The following DAAM1 variants were observed in gnomAD, a reference collection of about 807,000 sequenced individuals.
The protein encoded by DAAM1 is disheveled-associated activator of morphogenesis 1.
DAAM1 carries 52 observed loss-of-function variants against 130.0 expected under a neutral mutation model. That is an observed-to-expected ratio of 0.40 (90% CI 0.32 to 0.50). The LOEUF (loss-of-function observed/expected upper bound fraction) is 0.50, where lower values mean the gene tolerates loss of function less well. Among genes scored for constraint, DAAM1 ranks in the 20% least tolerant of loss-of-function variants. The pLI is 0.61. For synonymous variants in DAAM1, 452 were observed against 444.5 expected (o/e 1.02, Z -0.21); for missense variants, 1,134 against 1,303.8 (o/e 0.87, Z 2.01).
At chr14:59,355,356 C>CT in intron 20 of DAAM1, 23 bp downstream of exon 20, 1 of 1,612,762 alleles carries the variant, frequency 6.2e-7, no homozygotes, top group Admixed American at 1.7e-5. Context: ...TCTTCCAACA[C>CT]TTGGGGGAGC....
intron 15 of DAAM1, chr14:59,338,245 G>T: frequency 2.6e-6 from 2 of 780,614 alleles, no homozygotes; most frequent in South Asian, 1.7e-5. Context: ...AACTCTCATT[G>T]ATGATCCCAG....
chr14:59,289,214 C>T (rs931769079), intron 2 of DAAM1, among the ~76,000 whole-genome samples: 1 of 152,068 alleles, frequency 6.6e-6, no homozygotes, highest in Non-Finnish European at 1.5e-5. Flanking sequence ...CACACCCGGC[C>T]CAACCACACA....
intron 1 of DAAM1, among the ~76,000 whole-genome samples, chr14:59,223,659 C>T (rs192459036): frequency 6.6e-6 from 1 of 152,330 alleles, no homozygotes; most frequent in Admixed American, 6.5e-5. Flanking sequence ...CTTTGGGTCA[C>T]TCAGTAAGTG....
chr14:59,209,126 C>G (rs1304163601), intron 1 of DAAM1, among the ~76,000 whole-genome samples: 1 of 152,218 alleles, frequency 6.6e-6, no homozygotes, highest in Non-Finnish European at 1.5e-5. Context: ...TTTCTCCTTT[C>G]ATAAATATTC....
intron 23 of DAAM1, among the ~76,000 whole-genome samples, chr14:59,365,391 A>AAAACC (rs1453164564): frequency 6.6e-6 from 1 of 152,192 alleles, no homozygotes; most frequent in Non-Finnish European, 1.5e-5. Flanking sequence ...GTTAGCATAT[A>AAAACC]AAACCATGGA....
At chr14:59,362,806 T>C (rs925865192) in intron 22 of DAAM1, 1 of 152,124 alleles carries the variant, frequency 6.6e-6, no homozygotes, top group African/African-American at 2.4e-5. Flanking sequence ...TTTAAGTCAA[T>C]TGGTATACAA....
At chr14:59,287,765 T>C (rs750749517) in intron 2 of DAAM1, among the ~76,000 whole-genome samples, 30 of 151,954 alleles carry the variant, frequency 2.0e-4, no homozygotes, top group Non-Finnish European at 4.4e-4. Context: ...CAGAAAGAAA[T>C]CAGAGGCAAC....
At chr14:59,221,463 T>C (rs1239746059) in intron 1 of DAAM1, among the ~76,000 whole-genome samples, 1 of 152,260 alleles carries the variant, frequency 6.6e-6, no homozygotes, top group African/African-American at 2.4e-5. Context: ...TCATTCTGTA[T>C]TCCCTTTGCC....
At chr14:59,347,761 G>A in intron 17 of DAAM1, 138 bp downstream of exon 17, 2 of 743,180 alleles carry the variant, frequency 2.7e-6, no homozygotes, top group Non-Finnish European at 4.5e-6. Context: ...GTTCCCATGT[G>A]ACTCTGTTAG....
At chr14:59,211,055 TATATC>T (rs893303401) in intron 1 of DAAM1, among the ~76,000 whole-genome samples, 1 of 152,250 alleles carries the variant, frequency 6.6e-6, no homozygotes, top group Non-Finnish European at 1.5e-5. Flanking sequence ...TTTTTGTCAA[TATATC>T]ATAAACCAAT....
chr14:59,282,500 A>G (rs930549395), intron 2 of DAAM1, among the ~76,000 whole-genome samples: 2 of 152,080 alleles, frequency 1.3e-5, no homozygotes, highest in African/African-American at 4.8e-5. Flanking sequence ...GGGATATCTG[A>G]TAACAAATCC....
intron 24 of DAAM1, 26 bp from the exon 25 acceptor site, chr14:59,368,622 CAA>C (rs1341225679): frequency 6.3e-7 from 1 of 1,599,144 alleles, no homozygotes; most frequent in Non-Finnish European, 8.5e-7. Flanking sequence ...TGACATGTCT[CAA>C]AGAGGTTATT....
intron 4 of DAAM1, among the ~76,000 whole-genome samples, chr14:59,318,343 C>T (rs867422385): frequency 6.6e-6 from 1 of 151,774 alleles, no homozygotes; most frequent in African/African-American, 2.4e-5. Flanking sequence ...CTGTCAGACC[C>T]GCGTGTTCCA....
At position 59,323,102 on chromosome 14, in the gene DAAM1, T is replaced by C. The variant is rs749794234; in HGVS notation, c.651T>C (p.Ile217=). 3 of 1,613,680 alleles carry C rather than the reference T, an allele frequency of 1.9e-6. No individual in the cohort carries two copies. In the Admixed American group the frequency reaches 5.0e-5, roughly 27 times the overall value. ...VIAQSLSTEN[I]KTKVAVLEIL... ...CTCAGAGTCTGAGCACAGAGAACAT[T>C]AAAACGAAGGTGGCCGTGCTGGAAA... Residue 217 remains isoleucine, a synonymous_variant, in exon 6 of 25, where the codon ATT becomes ATC. Coordinates refer to ENST00000360909, the MANE Select transcript of DAAM1 (RefSeq NM_001270520.2).
chr14:59,369,744 A>G lies in DAAM1; in HGVS notation c.*885A>G, dbSNP rs1887079047. 1 of 135,820 alleles carries G rather than the reference A, an allele frequency of 7.4e-6. No homozygotes were observed. The highest frequency in any genetic ancestry group is 2.8e-5 in the African/African-American group (1 of 35,706). The allele number at this position is 135,820 out of a possible 1,614,324, so 8.4% of individuals were successfully genotyped here. On this transcript the variant is annotated 3_prime_UTR_variant, in exon 25 of 25. Coordinates refer to ENST00000360909, the MANE Select transcript of DAAM1 (RefSeq NM_001270520.2). ...TAAAGGAAGAATTCTCTGAAGGGAT[A>G]AAGATTACTAAAAAAAAAAAAAAAA...
chr14:59,254,296 G>C (rs988832888), intron 1 of DAAM1, among the ~76,000 whole-genome samples: 1 of 152,174 alleles, frequency 6.6e-6, no homozygotes, highest in South Asian at 2.1e-4. Flanking sequence ...ATTTTTGAAA[G>C]AACTGCTGGT....
rs200563192 is a variant in DAAM1 at position 59,201,962 on chromosome 14, TG to T, written c.-38+13196del. ...ATAATATTGAAGCTCTATTATATTT[TG>T]GCAGGTTTTACTGAAAAACCTCTAA... is the stretch of plus-strand genomic sequence containing the variant. On this transcript the variant is annotated intron_variant, in intron 1 of 24. Transcript: ENST00000360909. 4.9e-4 allele frequency among the ~76,000 whole-genome samples: 74 copies of T among 152,336 alleles called. No individual in the cohort carries two copies. In the East Asian group the frequency reaches 0.014, roughly 29 times the overall value.
rs1257466580 is a variant in DAAM1, at chr14:59,263,643, A to C, written c.166A>C (p.Met56Leu). The C allele has an allele frequency of 6.2e-7, 1 of 1,614,164 alleles. No individual in the cohort carries two copies. The highest frequency in any genetic ancestry group is 1.1e-5 in the South Asian group (1 of 91,088). Reference sequence around the variant, plus strand: ...GCCCCCTGTGGAGGAGCTGGATGTCATGTTCAGTGAACTGGTGGTGAGTCC... The same window carrying C: ...GCCCCCTGTGGAGGAGCTGGATGTCCTGTTCAGTGAACTGGTGGTGAGTCC... ...PMPPVEELDV[M>L]FSELVDELDL... Residue 56 changes from methionine (M) to leucine (L), a missense_variant, in exon 2 of 25, where the codon ATG becomes CTG. Coordinates refer to ENST00000360909, the MANE Select transcript of DAAM1 (RefSeq NM_001270520.2).
At chr14:59,352,729 G>T in intron 18 of DAAM1, 97 bp downstream of exon 18, 1 of 1,033,752 alleles carries the variant, frequency 9.7e-7, no homozygotes, top group Non-Finnish European at 1.4e-6. Flanking sequence ...CAATTAACCT[G>T]GCTTAACTTG....
Sources: allele counts gnomAD v4.1 joint callset (sites outside exome capture counted in the v4.1 genomes callset), GRCh38; gene constraint gnomAD v4.1.1; transcripts MANE v1.5; gene names NCBI Gene and HGNC (gene_info 2026-07-23, HGNC 2026-07-21).